GHR: variants seen among roughly 807,000 people sequenced by gnomAD.
GHR encodes the protein GH receptor.
A neutral mutation model predicts 67.1 loss-of-function variants in GHR; 35 were observed. The ratio of observed to expected loss-of-function variants is 0.52; its 90% confidence interval spans 0.40 to 0.69. The LOEUF (loss-of-function observed/expected upper bound fraction) is 0.69, where lower values mean the gene tolerates loss of function less well. GHR is among the 30% of genes least tolerant of loss of function. The pLI is 0.00. For synonymous variants in GHR, 272 were observed against 269.1 expected, an observed-to-expected ratio of 1.01 and a Z score of -0.10; for missense variants, 792 against 764.6, an observed-to-expected ratio of 1.04 and a Z score of -0.42.
chr5:42,548,186 T>C, intron 1 of GHR: 1 of 982,836 alleles, frequency 1.0e-6, no homozygotes. Flanking sequence ...AATGGTCTGA[T>C]GTGATTTAAT....
At chr5:42,456,170 G>A (rs181850836) in intron 1 of GHR, among the ~76,000 whole-genome samples, 1 of 152,290 alleles carries the variant, frequency 6.6e-6, no homozygotes, top group East Asian at 1.9e-4. Context: ...AATTAGCTGG[G>A]TGTGGTGGTA....
At chr5:42,590,528 T>C (rs1177019095) in intron 2 of GHR, among the ~76,000 whole-genome samples, 1 of 152,196 alleles carries the variant, frequency 6.6e-6, no homozygotes, top group African/African-American at 2.4e-5. Context: ...CACCATTCAA[T>C]ATTCAAAAGC....
In GHR at chr5:42,676,763, C is replaced by A. The variant is rs1328799769; in HGVS notation, c.137-12127C>A. Among the ~76,000 whole-genome samples, 4 of 152,090 alleles carry A rather than the reference C, an allele frequency of 2.6e-5. No individual in the cohort carries two copies. The East Asian group carries it at 5.8e-4, about 22-fold the overall frequency. On this transcript the variant is annotated intron_variant, in intron 3 of 9. Coordinates refer to ENST00000230882, the MANE Select transcript of GHR (RefSeq NM_000163.5). Reference sequence around the variant, plus strand: ...GGACAGGACCTTTATTAAAAGGGGGCTTAAGGTACTTTTAATTGGAGGAAT... The same window carrying A: ...GGACAGGACCTTTATTAAAAGGGGGATTAAGGTACTTTTAATTGGAGGAAT...
At chr5:42,631,098 C>T (rs1753906580) in intron 3 of GHR, among the ~76,000 whole-genome samples, 1 of 151,934 alleles carries the variant, frequency 6.6e-6, no homozygotes, top group Non-Finnish European at 1.5e-5. Context: ...AGAAAGTGTG[C>T]CCAAGGCCGT....
intron 1 of GHR, among the ~76,000 whole-genome samples, chr5:42,552,933 C>T (rs1749112873): frequency 6.6e-6 from 1 of 152,198 alleles, no homozygotes; most frequent in Admixed American, 6.5e-5. Flanking sequence ...TTCCTTATCA[C>T]TTATCGTTAA....
chr5:42,641,354 T>C (rs915217501), intron 3 of GHR, among the ~76,000 whole-genome samples: 2 of 152,196 alleles, frequency 1.3e-5, no homozygotes, highest in African/African-American at 4.8e-5. Context: ...TTCTTGTATA[T>C]ATGTACGAGC....
chr5:42,668,783 T>C (rs1290742352), intron 3 of GHR, among the ~76,000 whole-genome samples: 1 of 152,134 alleles, frequency 6.6e-6, no homozygotes, highest in Non-Finnish European at 1.5e-5. Context: ...TGCATGCCAA[T>C]GCTCCTCAGC....
chr5:42,472,444 T>C (rs1312039818), intron 1 of GHR, among the ~76,000 whole-genome samples: 1 of 152,202 alleles, frequency 6.6e-6, no homozygotes, highest in East Asian at 1.9e-4. Context: ...GCTTCAAGTC[T>C]AGATGAAATG....
intron 2 of GHR, among the ~76,000 whole-genome samples, chr5:42,587,932 G>T (rs1424210395): frequency 6.6e-6 from 1 of 152,120 alleles, no homozygotes; most frequent in Non-Finnish European, 1.5e-5. Flanking sequence ...CCCAGGAAGG[G>T]TAACCCATTG....
intron 1 of GHR, among the ~76,000 whole-genome samples, chr5:42,447,559 C>A (rs1470906271): frequency 1.3e-5 from 2 of 152,098 alleles, no homozygotes; most frequent in African/African-American, 4.8e-5. Flanking sequence ...CATATTTTTG[C>A]AATGGCAAAC....
rs189337389 is a variant in GHR at position 42,670,232 on chromosome 5, A to G, written c.137-18658A>G. Among the ~76,000 whole-genome samples, 741 of 152,340 alleles carry G rather than the reference A, an allele frequency of 4.9e-3. 2 individuals carry two copies. Among genetic ancestry groups the G allele is most frequent in the Admixed American group, 8.0e-3 (122 of 15,298 alleles). Reference sequence around the variant, plus strand: ...AAATAAACCCACACATCTATGATCAATTGATTTTCAACAAAGATACCAAGA... The same window carrying G: ...AAATAAACCCACACATCTATGATCAGTTGATTTTCAACAAAGATACCAAGA... On this transcript the variant is annotated intron_variant, in intron 3 of 9. Coordinates refer to ENST00000230882, the MANE Select transcript of GHR (RefSeq NM_000163.5).
rs6413484 is a variant in GHR at position 42,699,868 on chromosome 5, G to T, written c.484G>T (p.Val162Phe). 146 of 1,610,898 alleles carry T rather than the reference G, an allele frequency of 9.1e-5. 1 individual carries two copies. The African/African-American group carries it at 1.6e-3, about 17-fold the overall frequency. ...PIALNWTLLN[V>F]SLTGIHADIQ... Reference sequence around the variant, plus strand: ...TGCCCTCAACTGGACTTTACTGAACGTCAGTTTAACTGGGATTCATGCAGA... The same window carrying T: ...TGCCCTCAACTGGACTTTACTGAACTTCAGTTTAACTGGGATTCATGCAGA... Residue 162 changes from valine to phenylalanine, a missense_variant, in exon 6 of 10, where the codon GTC becomes TTC. Transcript: ENST00000230882.
intron 1 of GHR, among the ~76,000 whole-genome samples, chr5:42,486,203 A>T (rs1046713437): frequency 3.9e-5 from 6 of 152,042 alleles, no homozygotes; most frequent in Non-Finnish European, 7.4e-5. Flanking sequence ...TCTCCAATAC[A>T]TCTTCTCTGG....
chr5:42,488,733 G>A (rs1308644315), intron 1 of GHR, among the ~76,000 whole-genome samples: 1 of 151,972 alleles, frequency 6.6e-6, no homozygotes, highest in Non-Finnish European at 1.5e-5. Context: ...GCTCAGTTAG[G>A]GACTCCACAT....
chr5:42,521,138 G>A (rs374878274), intron 1 of GHR, among the ~76,000 whole-genome samples: 18 of 152,280 alleles, frequency 1.2e-4, no homozygotes, highest in African/African-American at 3.6e-4. Flanking sequence ...AGCTGGATGC[G>A]TATATGGCAA....
At chr5:42,546,710 A>C (rs1360398329) in intron 1 of GHR, among the ~76,000 whole-genome samples, 1 of 152,176 alleles carries the variant, frequency 6.6e-6, no homozygotes, top group African/African-American at 2.4e-5. Context: ...ATTATGTTTC[A>C]AAGCATATTT....
chr5:42,700,082 T>G, intron 6 of GHR, 80 bp downstream of exon 6: 1 of 823,412 alleles, frequency 1.2e-6, no homozygotes, highest in Non-Finnish European at 2.1e-6. Context: ...TAGACTTTCC[T>G]TTGACCTAAT....
intron 1 of GHR, among the ~76,000 whole-genome samples, chr5:42,537,144 C>A (rs1044664301): frequency 2.0e-5 from 3 of 151,246 alleles, no homozygotes; most frequent in Non-Finnish European, 4.4e-5. Context: ...TGTATTTTTT[C>A]TTTTAATTTT....
chr5:42,500,923 G>A (rs1157699602), intron 1 of GHR, among the ~76,000 whole-genome samples: 1 of 152,140 alleles, frequency 6.6e-6, no homozygotes, highest in Admixed American at 6.6e-5. Flanking sequence ...GTACGTTTTA[G>A]AATAACTTAC....
Sources: gnomAD v4.1 joint callset for allele counts (sites outside exome capture counted in the v4.1 genomes callset) on GRCh38, gnomAD v4.1.1 for gene constraint, MANE v1.5 for transcripts, NCBI Gene and HGNC (gene_info 2026-07-23, HGNC 2026-07-21) for gene names.